CUL3: variants seen among roughly 807,000 people sequenced by gnomAD.
CUL3 encodes cullin 3.
In CUL3, 19 loss-of-function variants were observed where a neutral mutation model predicts 89.1. The ratio of observed to expected loss-of-function variants is 0.21; its 90% CI spans 0.15 to 0.31. CUL3 has a LOEUF of 0.31. CUL3 is among the 10% of genes least tolerant of loss of function. The pLI is 1.00. For missense variants in CUL3, 469 were observed against 942.3 expected, an observed-to-expected ratio of 0.50 and a Z score of 6.58; for synonymous variants, 351 against 308.4, an observed-to-expected ratio of 1.14 and a Z score of -1.45.
chr2:224,472,720 G>A lies in CUL3; in HGVS notation c.*1525C>T. 1.0e-5 allele frequency: 2 copies of A among 195,244 alleles called. No homozygotes were observed. The highest frequency in any genetic ancestry group is 2.1e-5 in the Non-Finnish European group (2 of 93,604). 12.1% of individuals were successfully genotyped at this position (195,244 alleles called of 1,614,324 possible). Reference sequence around the variant, plus strand: ...TAAAAGCATATTTGCAAGTCTAAAAGGAAAATTATAACCCAAGACGCATGG... The same window carrying A: ...TAAAAGCATATTTGCAAGTCTAAAAAGAAAATTATAACCCAAGACGCATGG... On this transcript the variant is annotated 3_prime_UTR_variant, in exon 16 of 16. Coordinates refer to ENST00000264414, the MANE Select transcript of CUL3 (RefSeq NM_003590.5).
At chr2:224,584,113 G>A (rs1695508812) in intron 1 of CUL3, among the ~76,000 whole-genome samples, 2 of 152,000 alleles carry the variant, frequency 1.3e-5, no homozygotes, top group South Asian at 4.2e-4. Context: ...ACATCGCAAG[G>A]GTACGACTCA....
At chr2:224,520,549 G>T (rs1693224265) in intron 3 of CUL3, among the ~76,000 whole-genome samples, 1 of 152,212 alleles carries the variant, frequency 6.6e-6, no homozygotes, top group Admixed American at 6.5e-5. Context: ...AACTATAAAG[G>T]CTGGATAAAA....
chr2:224,530,854 C>G (rs1693672290), intron 3 of CUL3, among the ~76,000 whole-genome samples: 1 of 152,140 alleles, frequency 6.6e-6, no homozygotes. Context: ...CTGCAGTGAG[C>G]AAAGACAGCA....
chr2:224,583,103 G>C (rs981833263), intron 1 of CUL3, among the ~76,000 whole-genome samples: 1 of 152,182 alleles, frequency 6.6e-6, no homozygotes, highest in Admixed American at 6.5e-5. Context: ...TATAGGCCTG[G>C]CGCGGTGGCT....
chr2:224,575,188 A>G (rs1487859186), intron 1 of CUL3, among the ~76,000 whole-genome samples: 2 of 152,188 alleles, frequency 1.3e-5, no homozygotes, highest in Non-Finnish European at 2.9e-5. Flanking sequence ...AGGTTTCTTG[A>G]AGTAAGAGCA....
At chr2:224,532,386 A>G (rs1693728039) in intron 3 of CUL3, among the ~76,000 whole-genome samples, 3 of 152,008 alleles carry the variant, frequency 2.0e-5, no homozygotes, top group Admixed American at 2.0e-4. Flanking sequence ...GCATACAAAG[A>G]GAGTTCTTTG....
rs1329867865 is a variant in CUL3, at chr2:224,585,284, C to G, written c.-275G>C. 2.5e-6 allele frequency: 1 copy of G among 399,600 alleles called. No homozygotes were observed. Among genetic ancestry groups the G allele is most frequent in the African/African-American group, 2.1e-5 (1 of 48,102 alleles). 24.8% of individuals were successfully genotyped at this position (399,600 alleles called of 1,614,324 possible). A position where few individuals can be genotyped will look rare whatever the true frequency, so the allele number is the denominator to read the frequency against. On this transcript the variant is annotated 5_prime_UTR_variant, in exon 1 of 16. Transcript: ENST00000264414. ...GGTCCCCCTCACGTCCGGCTCGGCT[C>G]CCTTTATCGCGCTCCTCCGCGATGG...
At chr2:224,510,396 T>G (rs989694035) in intron 6 of CUL3, among the ~76,000 whole-genome samples, 45 of 152,076 alleles carry the variant, frequency 3.0e-4, no homozygotes, top group Non-Finnish European at 2.9e-4. Flanking sequence ...AGGATTCCAC[T>G]AGAGATAAAC....
chr2:224,565,000 G>GTAT (rs1695006027), intron 1 of CUL3, among the ~76,000 whole-genome samples: 1 of 152,028 alleles, frequency 6.6e-6, no homozygotes, highest in Non-Finnish European at 1.5e-5. Context: ...TAACCCCAAG[G>GTAT]TATTTCTCAA....
intron 5 of CUL3, 139 bp downstream of exon 5, chr2:224,513,385 T>C (rs113102172): frequency 1.7e-6 from 1 of 606,032 alleles, no homozygotes. Flanking sequence ...TGAGGTAGTG[T>C]GCTGATGGGC....
chr2:224,556,703 C>T (rs1002813273), intron 2 of CUL3, among the ~76,000 whole-genome samples: 1 of 152,124 alleles, frequency 6.6e-6, no homozygotes, highest in African/African-American at 2.4e-5. Context: ...TGATTTTGAT[C>T]ATTGTTCTTT....
intron 1 of CUL3, among the ~76,000 whole-genome samples, chr2:224,563,856 C>T (rs900458770): frequency 1.3e-5 from 2 of 152,076 alleles, no homozygotes; most frequent in Non-Finnish European, 2.9e-5. Flanking sequence ...GTCCCCAAAC[C>T]ACAAAAGTAG....
Position 224,471,574 on chromosome 2 carries a change from T to G in CUL3, c.*2671A>C, listed in dbSNP as rs957198902. On this transcript the variant is annotated 3_prime_UTR_variant, in exon 16 of 16. Coordinates refer to ENST00000264414, the MANE Select transcript of CUL3 (RefSeq NM_003590.5). ...CATCAGCATCTTGGGGGTTTGATAGTACATAATTACAATGCTACACAGGTG... is the reference window on the plus strand; with the variant it reads ...CATCAGCATCTTGGGGGTTTGATAGGACATAATTACAATGCTACACAGGTG... 1.5e-5 allele frequency: 3 copies of G among 199,128 alleles called. No individual in the cohort carries two copies. The highest frequency in any genetic ancestry group is 4.6e-5 in the African/African-American group (2 of 43,474). 12.3% of individuals were successfully genotyped at this position (199,128 alleles called of 1,614,324 possible).
chr2:224,525,380 C>G (rs1328881870), intron 3 of CUL3, among the ~76,000 whole-genome samples: 1 of 152,180 alleles, frequency 6.6e-6, no homozygotes, highest in Admixed American at 6.5e-5. Flanking sequence ...GCGGGTTAAT[C>G]TCTCTAACCT....
chr2:224,495,157 A>G (rs1362096874), intron 13 of CUL3: 1 of 152,204 alleles, frequency 6.6e-6, no homozygotes, highest in Non-Finnish European at 1.5e-5. Flanking sequence ...TAAATCCAAA[A>G]TGAGACACTA....
chr2:224,584,090 T>C (rs1166534961), intron 1 of CUL3, among the ~76,000 whole-genome samples: 1 of 152,082 alleles, frequency 6.6e-6, no homozygotes, highest in Non-Finnish European at 1.5e-5. Flanking sequence ...CAAAGTTATA[T>C]CCTATATACT....
At chr2:224,503,355 C>T (rs976430809) in intron 9 of CUL3, among the ~76,000 whole-genome samples, 2 of 152,122 alleles carry the variant, frequency 1.3e-5, no homozygotes, top group East Asian at 1.9e-4. Context: ...ATGGACCACA[C>T]TTTGTGAAAA....
Position 224,485,682 on chromosome 2 carries a change from C to T in CUL3, c.1843-3604G>A, listed in dbSNP as rs983803455. On this transcript the variant is annotated intron_variant, in intron 13 of 15. Coordinates refer to ENST00000264414, the MANE Select transcript of CUL3 (RefSeq NM_003590.5). The surrounding 1 kb of genome is among the most constrained non-coding windows in gnomAD (Gnocchi z 4.1). ...GGGAAGAAGGCAGCTATGGGCCCAGCTTCAGCAGAATTAAATGTTCTTGCC... is the reference window on the plus strand; with the variant it reads ...GGGAAGAAGGCAGCTATGGGCCCAGTTTCAGCAGAATTAAATGTTCTTGCC... Among the ~76,000 whole-genome samples the T allele has an allele frequency of 4.6e-5, 7 of 152,230 alleles. No individual in the cohort carries two copies. Among genetic ancestry groups the T allele is most frequent in the Admixed American group, 3.9e-4 (6 of 15,292 alleles).
At chr2:224,560,849 T>A (rs1323575432) in intron 1 of CUL3, among the ~76,000 whole-genome samples, 1 of 152,240 alleles carries the variant, frequency 6.6e-6, no homozygotes, top group East Asian at 1.9e-4. Flanking sequence ...CAATGTTCTA[T>A]AAGCTTTATT....
Sources: allele counts gnomAD v4.1 joint callset (sites outside exome capture counted in the v4.1 genomes callset), GRCh38; gene constraint gnomAD v4.1.1; non-coding constraint Gnocchi (gnomAD v3.1); transcripts MANE v1.5; gene names NCBI Gene and HGNC (gene_info 2026-07-23, HGNC 2026-07-21).